The following ZFAT variants were observed in gnomAD, a reference collection of about 807,000 sequenced individuals.
The protein encoded by ZFAT is zinc finger and AT-hook domain containing.
ZFAT carries 64 observed loss-of-function variants against 117.7 expected under a neutral mutation model. That is an observed-to-expected ratio of 0.54 (90% confidence interval 0.44 to 0.67). ZFAT has a LOEUF of 0.67. ZFAT is among the 30% of genes least tolerant of loss of function. The pLI is 0.00. For missense variants in ZFAT, 1,433 were observed against 1,584.5 expected (o/e 0.90, Z 1.62); for synonymous variants, 679 against 615.0 (o/e 1.10, Z -1.54).
chr8:134,531,357 T>C (rs1340963937), intron 12 of ZFAT, among the ~76,000 whole-genome samples: 1 of 152,216 alleles, frequency 6.6e-6, no homozygotes, highest in Non-Finnish European at 1.5e-5. Context: ...TTACTGGGGC[T>C]GTAAGCCAAT....
At chr8:134,803,820 T>C in the ZFAT span, among the ~76,000 whole-genome samples, 1 of 152,206 alleles carries the variant, frequency 6.6e-6, no homozygotes, top group Non-Finnish European at 1.5e-5. Flanking sequence ...ATTTAATGTC[T>C]CTGACCTCAG....
intron 1 of ZFAT, among the ~76,000 whole-genome samples, 154 bp downstream of exon 1, chr8:134,712,691 G>C (rs1234032799): frequency 7.0e-6 from 1 of 142,484 alleles, no homozygotes; most frequent in Non-Finnish European, 1.5e-5. Context: ...AACTACGTTC[G>C]CTCTCCTCCC....
chr8:134,524,661 A>G (rs931757783), intron 12 of ZFAT, among the ~76,000 whole-genome samples: 9 of 152,156 alleles, frequency 5.9e-5, no homozygotes, highest in African/African-American at 1.9e-4. Flanking sequence ...ACAGCCCCCA[A>G]AACAAACACT....
chr8:134,807,671 C>G, the ZFAT span, among the ~76,000 whole-genome samples: 2 of 150,796 alleles, frequency 1.3e-5, no homozygotes, highest in Non-Finnish European at 3.0e-5. Context: ...ATTCACAAAC[C>G]ACCAGAAACC....
the ZFAT span, among the ~76,000 whole-genome samples, chr8:134,777,833 T>C: frequency 6.6e-6 from 1 of 152,194 alleles, no homozygotes; most frequent in African/African-American, 2.4e-5. Flanking sequence ...AGCTTTAATA[T>C]TATCTAAATG....
At chr8:134,479,750 C>G (rs1468366305) in intron 15 of ZFAT, among the ~76,000 whole-genome samples, 1 of 152,112 alleles carries the variant, frequency 6.6e-6, no homozygotes, top group Non-Finnish European at 1.5e-5. Context: ...ACTGACCGGG[C>G]TTTGAGCATC....
At chr8:134,530,777 T>A (rs1821345452) in intron 12 of ZFAT, among the ~76,000 whole-genome samples, 1 of 137,540 alleles carries the variant, frequency 7.3e-6, no homozygotes, top group Non-Finnish European at 1.6e-5. Context: ...AATATAAAAA[T>A]AAAAAAATAA....
chr8:134,517,761 G>A (rs955799283), intron 13 of ZFAT, among the ~76,000 whole-genome samples: 3 of 152,200 alleles, frequency 2.0e-5, no homozygotes, highest in Middle Eastern at 3.4e-3. Flanking sequence ...TGACCTTGAC[G>A]CTTTTGAGGA....
the ZFAT span, among the ~76,000 whole-genome samples, chr8:134,815,359 A>AT: frequency 1.5e-4 from 23 of 152,210 alleles, no homozygotes; most frequent in African/African-American, 4.1e-4. Flanking sequence ...ACTTGCTGGG[A>AT]TTTTTTTTAA....
At chr8:134,707,607 A>G (rs1392374646) in intron 1 of ZFAT, among the ~76,000 whole-genome samples, 1 of 152,184 alleles carries the variant, frequency 6.6e-6, no homozygotes, top group Non-Finnish European at 1.5e-5. Context: ...CAATGCCAGG[A>G]CACCCCAAGC....
the ZFAT span, among the ~76,000 whole-genome samples, chr8:134,744,980 C>T: frequency 7.9e-5 from 12 of 151,104 alleles, no homozygotes; most frequent in South Asian, 4.2e-4. Context: ...CCGCCCACCT[C>T]GGCCTCCCAA....
intron 3 of ZFAT, among the ~76,000 whole-genome samples, chr8:134,625,472 C>G (rs1042443523): frequency 2.0e-5 from 3 of 152,200 alleles, no homozygotes; most frequent in Non-Finnish European, 2.9e-5. Flanking sequence ...CTTCAAGAAG[C>G]CTTCCAGGAA....
chr8:134,740,692 A>G, the ZFAT span, among the ~76,000 whole-genome samples: 1 of 152,302 alleles, frequency 6.6e-6, no homozygotes, highest in Non-Finnish European at 1.5e-5. Context: ...TTCCAGAACC[A>G]TGGAATGTTC....
intron 1 of ZFAT, among the ~76,000 whole-genome samples, chr8:134,680,328 C>T (rs144132111): frequency 6.7e-6 from 1 of 150,106 alleles, no homozygotes; most frequent in Non-Finnish European, 1.5e-5. Context: ...AAAGAAAGCA[C>T]TGGATGATAG....
the ZFAT span, among the ~76,000 whole-genome samples, chr8:134,788,471 T>C: frequency 6.6e-6 from 1 of 152,186 alleles, no homozygotes; most frequent in Non-Finnish European, 1.5e-5. Flanking sequence ...TGTTAGAGAA[T>C]GTAAGATGAA....
the ZFAT span, among the ~76,000 whole-genome samples, chr8:134,727,858 G>A: frequency 6.6e-6 from 1 of 152,204 alleles, no homozygotes; most frequent in African/African-American, 2.4e-5. Flanking sequence ...AGTAGGAAGT[G>A]AGATTTGCCC....
At chr8:134,821,228 T>C in the ZFAT span, among the ~76,000 whole-genome samples, 1 of 152,176 alleles carries the variant, frequency 6.6e-6, no homozygotes, top group Non-Finnish European at 1.5e-5. Context: ...AAGCATCAAC[T>C]GGCAAGTAAA....
rs1474509437 is a variant in ZFAT at position 134,588,359 on chromosome 8, C to T, written c.2600G>A (p.Arg867Lys). ...SMSTISEVLGRRVQLKGLIGK... is the reference protein window; with the variant it reads ...SMSTISEVLGKRVQLKGLIGK... Reference sequence around the variant, plus strand: ...AATTAGCCCTTTCAGCTGAACCCTCCTCCCGAGAACCTCAGAAATGGTGCT... The same window carrying T: ...AATTAGCCCTTTCAGCTGAACCCTCTTCCCGAGAACCTCAGAAATGGTGCT... Residue 867 changes from arginine to lysine, a missense_variant, in exon 9 of 16, where the codon AGG becomes AAG. By Grantham distance (26) the Arg-to-Lys change is conservative (BLOSUM62 2). Transcript: ENST00000377838. The T allele has an allele frequency of 6.3e-7, 1 of 1,593,570 alleles. No individual in the cohort carries two copies. Among genetic ancestry groups the T allele is most frequent in the Non-Finnish European group, 8.5e-7 (1 of 1,169,644 alleles).
chr8:134,480,338 C>T (rs759547011), intron 15 of ZFAT, among the ~76,000 whole-genome samples: 2 of 152,234 alleles, frequency 1.3e-5, no homozygotes, highest in African/African-American at 4.8e-5. Context: ...TTTCACTCTA[C>T]AGAACTTTTG....
Sources: gnomAD v4.1 joint callset for allele counts (sites outside exome capture counted in the v4.1 genomes callset) on GRCh38, gnomAD v4.1.1 for gene constraint, MANE v1.5 for transcripts, NCBI Gene and HGNC (gene_info 2026-07-23, HGNC 2026-07-21) for gene names.